CLPX: variants seen among roughly 807,000 people sequenced by gnomAD.
CLPX encodes the protein caseinolytic mitochondrial matrix peptidase chaperone subunit X.
A neutral mutation model predicts 76.4 loss-of-function variants in CLPX; 34 were observed. The ratio of observed to expected loss-of-function variants is 0.45; its 90% confidence interval spans 0.34 to 0.59. The LOEUF (loss-of-function observed/expected upper bound fraction) is 0.59. Among genes scored for constraint, CLPX ranks in the 20% least tolerant of loss-of-function variants. The probability of loss-of-function intolerance (pLI) is 0.01; values close to 1 mark genes in which losing one functional copy is unlikely to be tolerated. For missense variants in CLPX, 613 were observed against 757.0 expected, an observed-to-expected ratio of 0.81 and a Z score of 2.23; for synonymous variants, 248 against 270.9, an observed-to-expected ratio of 0.92 and a Z score of 0.83.
At position 65,158,652 on chromosome 15, in the gene CLPX, C is replaced by T; in HGVS notation, c.815G>A (p.Gly272Asp). ...ATCATGAGAAGAATCCAATACTTCA[C>T]CTCCTCGTTTTTCCTGAGGTATTTG... The part of the protein sequence containing the change: ...NQQIPQEKRG[G>D]EVLDSSHDDI... Residue 272 changes from glycine to aspartate, a missense_variant, in exon 7 of 14, where the codon GGT becomes GAT. Transcript: ENST00000300107. 1 of 1,613,936 alleles carries T rather than the reference C, an allele frequency of 6.2e-7. No individual in the cohort carries two copies. Among genetic ancestry groups the T allele is most frequent in the Non-Finnish European group, 8.5e-7 (1 of 1,179,904 alleles).
intron 6 of CLPX, among the ~76,000 whole-genome samples, chr15:65,160,619 TCTCTCACA>T (rs774038773): frequency 1.2e-4 from 16 of 132,730 alleles, no homozygotes; most frequent in South Asian, 2.6e-4. Flanking sequence ...TCTCTCTCTC[TCTCTCACA>T]CACACACACA....
At chr15:65,176,444 T>C (rs545551573) in intron 3 of CLPX, among the ~76,000 whole-genome samples, 1 of 152,322 alleles carries the variant, frequency 6.6e-6, no homozygotes, top group African/African-American at 2.4e-5. Flanking sequence ...TACTTAAACT[T>C]GCTAAATCTC....
At chr15:65,159,033 A>G (rs2087822599) in intron 6 of CLPX, among the ~76,000 whole-genome samples, 1 of 152,214 alleles carries the variant, frequency 6.6e-6, no homozygotes, top group Admixed American at 6.5e-5. Context: ...GGAAGGCAAT[A>G]CAACAGAAGA....
rs2087678479 is a variant in CLPX, at chr15:65,148,279, T to C, written c.*2544A>G. 1 of 152,146 alleles carries C rather than the reference T, an allele frequency of 6.6e-6. No homozygotes were observed. The highest frequency in any genetic ancestry group is 2.4e-5 in the African/African-American group (1 of 41,448). The allele number at this position is 152,146 out of a possible 1,614,324, so 9.4% of individuals were successfully genotyped here. On this transcript the variant is annotated 3_prime_UTR_variant, in exon 14 of 14. Coordinates refer to ENST00000300107, the MANE Select transcript of CLPX (RefSeq NM_006660.5). ...AATGTAAGTTCCAAGATACAAATTATGTTTGATTTAAAAACATCGACTATG... is the reference window on the plus strand; with the variant it reads ...AATGTAAGTTCCAAGATACAAATTACGTTTGATTTAAAAACATCGACTATG...
chr15:65,156,620 C>T, intron 9 of CLPX: 2 of 452,372 alleles, frequency 4.4e-6, no homozygotes, highest in Non-Finnish European at 7.8e-6. Context: ...TTCATTTTTT[C>T]TGTTCTTCAA....
intron 3 of CLPX, among the ~76,000 whole-genome samples, chr15:65,176,135 G>C (rs1011561673): frequency 3.9e-5 from 6 of 152,306 alleles, no homozygotes; most frequent in South Asian, 4.1e-4. Flanking sequence ...CTAAAGTAGT[G>C]TTTCCACACT....
chr15:65,153,689 AC>A, intron 11 of CLPX, 50 bp from the exon 12 acceptor site: 1 of 1,114,602 alleles, frequency 9.0e-7, no homozygotes, highest in Non-Finnish European at 1.3e-6. Flanking sequence ...AATTTGTACC[AC>A]CAGAAAATGT....
At chr15:65,158,778 T>C in intron 6 of CLPX, 27 bp from the exon 7 acceptor site, 1 of 1,530,574 alleles carries the variant, frequency 6.5e-7, no homozygotes, top group Non-Finnish European at 8.8e-7. Context: ...AGGAATTACT[T>C]GAGCTTCATT....
intron 3 of CLPX, among the ~76,000 whole-genome samples, chr15:65,172,383 T>G (rs1187146413): frequency 1.3e-5 from 2 of 152,046 alleles, no homozygotes; most frequent in Non-Finnish European, 2.9e-5. Flanking sequence ...TAAAATGTTG[T>G]TGGTTTGGGA....
Position 65,154,328 on chromosome 15 carries a change from G to T in CLPX, c.1611+454C>A, listed in dbSNP as rs147509159. On this transcript the variant is annotated intron_variant, in intron 11 of 13. Coordinates refer to ENST00000300107, the MANE Select transcript of CLPX (RefSeq NM_006660.5). ...GGAGAAGAAGAGACTGATATTTAGA[G>T]ACACAAAGTTCACAAAACCCAAACC... is the stretch of plus-strand genomic sequence containing the variant. Among the ~76,000 whole-genome samples the T allele has an allele frequency of 9.9e-4, 151 of 152,308 alleles. 2 individuals are homozygous for T. The highest frequency in any genetic ancestry group is 3.5e-3 in the African/African-American group (147 of 41,574).
chr15:65,173,988 T>G (rs1323462831), intron 3 of CLPX, among the ~76,000 whole-genome samples: 1 of 152,188 alleles, frequency 6.6e-6, no homozygotes, highest in Non-Finnish European at 1.5e-5. Context: ...TTTTTTCTTT[T>G]GAGATGAGAC....
chr15:65,160,623 T>TCTCTCTCACACACACACACA (rs1219208926), intron 6 of CLPX, among the ~76,000 whole-genome samples: 1 of 100,970 alleles, frequency 9.9e-6, no homozygotes. Context: ...TCTCTCTCTC[T>TCTCTCTCACACACACACACA]CACACACACA....
chr15:65,155,987 A>G, intron 9 of CLPX, 131 bp from the exon 10 acceptor site: 1 of 692,380 alleles, frequency 1.4e-6, no homozygotes, highest in East Asian at 2.8e-5. Flanking sequence ...AAACTCCCAC[A>G]TTCCTATAAC....
Position 65,150,813 on chromosome 15 carries a change from A to T in CLPX, c.*10T>A, listed in dbSNP as rs771902132. 9 of 1,595,928 alleles carry T rather than the reference A, an allele frequency of 5.6e-6. No individual in the cohort carries two copies. Among genetic ancestry groups the T allele is most frequent in the Non-Finnish European group, 7.7e-6 (9 of 1,164,498 alleles). On this transcript the variant is annotated 3_prime_UTR_variant, in exon 14 of 14. Transcript: ENST00000300107. ...GAAAAGCTGTATATACAAGACAGCA[A>T]TATGACAGTTTAGCTGTTTGCAGCA...
Position 65,181,331 on chromosome 15 carries a change from T to A in CLPX, c.80-1127A>T, listed in dbSNP as rs888286176. 9.9e-5 allele frequency among the ~76,000 whole-genome samples: 15 copies of A among 152,116 alleles called. 1 individual carries two copies. Among genetic ancestry groups the A allele is most frequent in the Admixed American group, 9.2e-4 (14 of 15,258 alleles). ...GGAAAATGGAGAGTTATTGTTGTAA[T>A]GGGTACAGAGCTTCAGTTTCACAAG... On this transcript the variant is annotated intron_variant, in intron 1 of 13. Coordinates refer to ENST00000300107, the MANE Select transcript of CLPX (RefSeq NM_006660.5).
At chr15:65,184,511 C>T (rs1388311697) in intron 1 of CLPX, 5 of 152,732 alleles carry the variant, frequency 3.3e-5, no homozygotes, top group Non-Finnish European at 7.3e-5. Context: ...TATTGTGAAC[C>T]TTGTTTATGT....
chr15:65,183,038 C>T (rs2088197876), intron 1 of CLPX, among the ~76,000 whole-genome samples: 1 of 151,226 alleles, frequency 6.6e-6, no homozygotes, highest in Non-Finnish European at 1.5e-5. Context: ...TGGCGCGCGC[C>T]TGTAACCCCA....
chr15:65,156,591 T>TA (rs147164310), intron 9 of CLPX: 2,589 of 392,504 alleles, frequency 6.6e-3, no homozygotes, highest in Middle Eastern at 9.7e-3. Flanking sequence ...CTTTGAGGAA[T>TA]AAAAAAAAAA....
chr15:65,152,966 T>C (rs2087742997), intron 12 of CLPX, among the ~76,000 whole-genome samples: 1 of 151,774 alleles, frequency 6.6e-6, no homozygotes, highest in Admixed American at 6.6e-5. Flanking sequence ...CAGGCTGGTC[T>C]CAAACTCCTG....
Sources: allele counts gnomAD v4.1 joint callset (sites outside exome capture counted in the v4.1 genomes callset), GRCh38; gene constraint gnomAD v4.1.1; transcripts MANE v1.5; gene names NCBI Gene and HGNC (gene_info 2026-07-23, HGNC 2026-07-21).